The following GLCE variants were observed in gnomAD, a reference collection of about 807,000 sequenced individuals.
GLCE encodes the protein D-glucuronyl C5-epimerase.
A neutral mutation model predicts 47.9 loss-of-function variants in GLCE; 19 were observed. The ratio of observed to expected loss-of-function variants is 0.40; its 90% CI spans 0.28 to 0.58. The LOEUF (loss-of-function observed/expected upper bound fraction) is 0.58, where lower values mean the gene tolerates loss of function less well. Among genes scored for constraint, GLCE ranks in the 20% least tolerant of loss-of-function variants. The pLI is 0.48. For missense variants in GLCE, 556 were observed against 743.3 expected, an observed-to-expected ratio of 0.75 and a Z score of 2.93; for synonymous variants, 245 against 263.4, an observed-to-expected ratio of 0.93 and a Z score of 0.68.
intron 2 of GLCE, among the ~76,000 whole-genome samples, chr15:69,240,279 GTCTCAAAAAAAAAAAAAAAAAAAAAAAA>G (rs1330407489): frequency 0.73 from 104,280 of 142,026 alleles, 37,261 homozygotes; most frequent in Admixed American, 0.8. Context: ...GCGAGACTCC[GTCTCAAAAAAAAAAAAAAAAAAAAAAAA>G]AAAGAAAAGA....
chr15:69,256,219 A>T lies in GLCE; in HGVS notation c.413A>T (p.Asp138Val), dbSNP rs772305959. 6.2e-7 allele frequency: 1 copy of T among 1,614,122 alleles called. No homozygotes were observed. The highest frequency in any genetic ancestry group is 2.2e-5 in the East Asian group (1 of 44,886). Residue 138 changes from aspartate (D) to valine (V), a missense_variant, in exon 3 of 5, where the codon GAT becomes GTT. Asp to Val is a radical substitution (Grantham distance 152, BLOSUM62 -3). Coordinates refer to ENST00000261858, the MANE Select transcript of GLCE (RefSeq NM_015554.3). ...TTCACTTGGGTTGAGAAATATTTTG[A>T]TGTTTATGGAAAGGTGGTTCAGTAT... Reference protein sequence around the residue: ...LPFTWVEKYFDVYGKVVQYDG... With the variant: ...LPFTWVEKYFVVYGKVVQYDG...
At chr15:69,243,831 C>A (rs186480043) in intron 2 of GLCE, among the ~76,000 whole-genome samples, 1 of 151,996 alleles carries the variant, frequency 6.6e-6, no homozygotes, top group African/African-American at 2.4e-5. Context: ...AAAAAAAAGA[C>A]AGGGTCTCAG....
At chr15:69,266,028 A>G (rs2053080992) in intron 4 of GLCE, among the ~76,000 whole-genome samples, 1 of 152,210 alleles carries the variant, frequency 6.6e-6, no homozygotes, top group South Asian at 2.1e-4. Context: ...GCTAGTTAAG[A>G]GAGAGAGTAC....
At chr15:69,246,187 A>G (rs1364120826) in intron 2 of GLCE, among the ~76,000 whole-genome samples, 2 of 152,074 alleles carry the variant, frequency 1.3e-5, no homozygotes, top group African/African-American at 2.4e-5. Flanking sequence ...ATCTGTAGTT[A>G]CTTCCTCCAC....
At chr15:69,163,059 T>C (rs1252524499) in intron 1 of GLCE, among the ~76,000 whole-genome samples, 1 of 152,230 alleles carries the variant, frequency 6.6e-6, no homozygotes, top group Non-Finnish European at 1.5e-5. Flanking sequence ...GTTGTTGTTA[T>C]TCAGACCAAA....
chr15:69,217,727 A>G (rs2052325042), intron 2 of GLCE, among the ~76,000 whole-genome samples: 1 of 151,982 alleles, frequency 6.6e-6, no homozygotes, highest in South Asian at 2.1e-4. Flanking sequence ...TCTTTGGTTG[A>G]CTCTGACTCA....
At chr15:69,214,345 T>A (rs1314502556) in intron 2 of GLCE, among the ~76,000 whole-genome samples, 1 of 152,076 alleles carries the variant, frequency 6.6e-6, no homozygotes, top group African/African-American at 2.4e-5. Flanking sequence ...GGTGACTGGA[T>A]CATGGGGCAG....
At chr15:69,174,703 G>A (rs1293983582) in intron 1 of GLCE, among the ~76,000 whole-genome samples, 2 of 152,044 alleles carry the variant, frequency 1.3e-5, no homozygotes, top group African/African-American at 4.8e-5. Context: ...ATCTAAAATG[G>A]AACAGTAAAC....
chr15:69,217,317 C>T (rs554147338), intron 2 of GLCE, among the ~76,000 whole-genome samples: 1 of 151,318 alleles, frequency 6.6e-6, no homozygotes, highest in East Asian at 1.9e-4. Flanking sequence ...TTTTATTGAT[C>T]CTTATTCCTA....
At chr15:69,233,209 T>A (rs1199641582) in intron 2 of GLCE, among the ~76,000 whole-genome samples, 1 of 152,196 alleles carries the variant, frequency 6.6e-6, no homozygotes. Flanking sequence ...GGGTGCTCTA[T>A]AACCTCTAAG....
In GLCE at chr15:69,255,992, C is replaced by A; in HGVS notation, c.186C>A (p.Asn62Lys). 6.2e-7 allele frequency: 1 copy of A among 1,614,066 alleles called. No homozygotes were observed. The highest frequency in any genetic ancestry group is 1.3e-5 in the African/African-American group (1 of 74,990). ...AAAGAGCAGCAGCATCTGAGAGTAA[C>A]AACTATATGAACCACGTGGCCAAAC... ...FEKRAAASES[N>K]NYMNHVAKQQ... The change falls in exon 3 of 5, where the codon AAC becomes AAA. Residue 62 changes from asparagine to lysine, a missense_variant. Transcript: ENST00000261858.
chr15:69,192,821 C>T (rs2051932981), intron 1 of GLCE, among the ~76,000 whole-genome samples: 1 of 151,980 alleles, frequency 6.6e-6, no homozygotes, highest in Non-Finnish European at 1.5e-5. Flanking sequence ...TCATGGCTGC[C>T]CTGCTATTCA....
At chr15:69,266,003 T>C (rs1428588725) in intron 4 of GLCE, among the ~76,000 whole-genome samples, 1 of 152,200 alleles carries the variant, frequency 6.6e-6, no homozygotes, top group Non-Finnish European at 1.5e-5. Flanking sequence ...CATTTTACTA[T>C]AGATGCAGAA....
Position 69,231,893 on chromosome 15 carries a change from A to G in GLCE, c.-14+21487A>G, listed in dbSNP as rs74452667. 2.6e-5 allele frequency among the ~76,000 whole-genome samples: 4 copies of G among 151,972 alleles called. No individual in the cohort carries two copies. The East Asian group carries it at 5.8e-4, about 22-fold the overall frequency. ...CTGCAGCCTCTGCCTCTTGGGTTCA[A>G]GCAATTCTCCTGCCTGAGCCTCCCA... is the stretch of plus-strand genomic sequence containing the variant. On this transcript the variant is annotated intron_variant, in intron 2 of 4. Transcript: ENST00000261858.
chr15:69,245,762 T>A (rs1327269470), intron 2 of GLCE, among the ~76,000 whole-genome samples: 1 of 152,166 alleles, frequency 6.6e-6, no homozygotes, highest in Non-Finnish European at 1.5e-5. Context: ...AGAGTCTCAC[T>A]CTGTCATCTA....
At position 69,270,529 on chromosome 15, in the gene GLCE, A is replaced by G. The variant is rs1818255657; in HGVS notation, c.*1285A>G. 6.6e-6 allele frequency: 1 copy of G among 152,216 alleles called. No individual in the cohort carries two copies. The highest frequency in any genetic ancestry group is 2.4e-5 in the African/African-American group (1 of 41,454). The allele number at this position is 152,216 out of a possible 1,614,324, so 9.4% of individuals were successfully genotyped here. A position where few individuals can be genotyped will look rare whatever the true frequency, so the allele number is the denominator to read the frequency against. On this transcript the variant is annotated 3_prime_UTR_variant, in exon 5 of 5. Transcript: ENST00000261858. ...GTTGTTGATTTTGCTGTGACAGTAC[A>G]CTAAATCAATACTATATCTTATACA...
chr15:69,265,446 A>C (rs1225358265), intron 4 of GLCE, among the ~76,000 whole-genome samples: 1 of 152,132 alleles, frequency 6.6e-6, no homozygotes, highest in Non-Finnish European at 1.5e-5. Context: ...ATAAAATGGG[A>C]ATTAAATGAT....
At chr15:69,253,648 A>G (rs967977788) in intron 2 of GLCE, among the ~76,000 whole-genome samples, 3 of 152,260 alleles carry the variant, frequency 2.0e-5, no homozygotes, top group African/African-American at 7.2e-5. Context: ...CCAAGAAGAT[A>G]CTACATCTAT....
chr15:69,224,157 T>C (rs1450625481), intron 2 of GLCE, among the ~76,000 whole-genome samples: 3 of 152,228 alleles, frequency 2.0e-5, no homozygotes, highest in African/African-American at 2.4e-5. Flanking sequence ...AAACTAGACA[T>C]TTAAATCTAT....
Sources: gnomAD v4.1 joint callset for allele counts (sites outside exome capture counted in the v4.1 genomes callset) on GRCh38, gnomAD v4.1.1 for gene constraint, MANE v1.5 for transcripts, NCBI Gene and HGNC (gene_info 2026-07-23, HGNC 2026-07-21) for gene names.